Variants in TPRG1 observed in about 807,000 individuals in gnomAD.
The protein encoded by TPRG1 is tumor protein p63 regulated 1.
In TPRG1, 29 loss-of-function variants were observed where a neutral mutation model predicts 29.3. The observed-to-expected ratio is 0.99, with a 90% CI of 0.74 to 1.35. The LOEUF is 1.35. TPRG1 is among the 40% of genes most tolerant of loss of function. The pLI is 0.00. For synonymous variants in TPRG1, 130 were observed against 116.8 expected, an observed-to-expected ratio of 1.11 and a Z score of -0.73; for missense variants, 327 against 335.0, an observed-to-expected ratio of 0.98 and a Z score of 0.19.
intron 4 of TPRG1, among the ~76,000 whole-genome samples, chr3:189,280,932 G>A (rs911889899): frequency 6.6e-6 from 1 of 152,054 alleles, no homozygotes; most frequent in Non-Finnish European, 1.5e-5. Flanking sequence ...TCTCCTTCGG[G>A]AGACCCATGA....
chr3:189,114,789 A>G lies in TPRG1; in HGVS notation c.-743-12268A>G, dbSNP rs376447289. 2.2e-3 allele frequency among the ~76,000 whole-genome samples: 342 copies of G among 152,296 alleles called. 2 individuals are homozygous for G. Among genetic ancestry groups the G allele is most frequent in the South Asian group, 8.7e-3 (42 of 4,830 alleles). ...CACTTGGTCCAGAAACGTGGGTAAT[A>G]GAAATGCTATAGAAATTAGTGGTAT... On this transcript the variant is annotated intron_variant, in intron 1 of 6. Transcript: ENST00000412373.
At chr3:189,047,663 C>T (rs896601075) in intron 4 of TPRG1, among the ~76,000 whole-genome samples, 1 of 152,206 alleles carries the variant, frequency 6.6e-6, no homozygotes, top group East Asian at 1.9e-4. Flanking sequence ...TATTTGAAAC[C>T]CTGCTGCTGC....
At chr3:189,101,222 AT>A (rs540809879) in intron 1 of TPRG1, among the ~76,000 whole-genome samples, 74 of 152,146 alleles carry the variant, frequency 4.9e-4, no homozygotes, top group Admixed American at 7.9e-4. Context: ...TAGTCTCTTT[AT>A]AGAGTTCCTT....
intron 3 of TPRG1, among the ~76,000 whole-genome samples, chr3:189,143,406 TAGG>T (rs998795414): frequency 2.0e-5 from 3 of 152,074 alleles, no homozygotes; most frequent in African/African-American, 7.2e-5. Context: ...ATAAGGAAGT[TAGG>T]AGGAGAAGAT....
At chr3:189,059,946 C>G (rs1412657375) in intron 4 of TPRG1, among the ~76,000 whole-genome samples, 2 of 152,192 alleles carry the variant, frequency 1.3e-5, no homozygotes, top group African/African-American at 4.8e-5. Flanking sequence ...ATGTTAAAAA[C>G]TCTTGGCTGA....
chr3:189,015,360 T>C (rs1712872755), intron 3 of TPRG1, among the ~76,000 whole-genome samples: 1 of 152,176 alleles, frequency 6.6e-6, no homozygotes, highest in Non-Finnish European at 1.5e-5. Context: ...TGGTCTGAAA[T>C]TGAAACTTAT....
intron 4 of TPRG1, among the ~76,000 whole-genome samples, chr3:189,027,128 A>G (rs1308055558): frequency 6.6e-6 from 1 of 152,192 alleles, no homozygotes; most frequent in Non-Finnish European, 1.5e-5. Context: ...GGAAAGCACT[A>G]GAGAAAAATT....
intron 3 of TPRG1, chr3:189,218,083 C>A: frequency 1.1e-6 from 1 of 951,750 alleles, no homozygotes; most frequent in Non-Finnish European, 1.3e-6. Context: ...TAATATGGAC[C>A]AACTACCCTA....
At chr3:189,241,315 G>T (rs1740546567) in intron 4 of TPRG1, among the ~76,000 whole-genome samples, 1 of 152,008 alleles carries the variant, frequency 6.6e-6, no homozygotes, top group South Asian at 2.1e-4. Context: ...CTCTTATTTG[G>T]GGTTCAAATT....
At position 189,312,105 on chromosome 3, in the gene TPRG1, GTTTCTTTCTTTGTTTCTTTCTTTC is replaced by G. The variant is rs1722630297; in HGVS notation, c.633+1578_633+1601del. Among the ~76,000 whole-genome samples the G allele has an allele frequency of 5.4e-4, 38 of 70,904 alleles. 3 individuals are homozygous for G. The highest frequency in any genetic ancestry group is 2.2e-3 in the African/African-American group (36 of 16,580). The allele number at this position is 70,904 out of a possible 152,430, so 46.5% of individuals were successfully genotyped here. A position where few individuals can be genotyped will look rare whatever the true frequency, so the allele number is the denominator to read the frequency against. On this transcript the variant is annotated intron_variant, in intron 5 of 5. Coordinates refer to ENST00000345063, the MANE Select transcript of TPRG1 (RefSeq NM_198485.4). ...TGTTTCTTTCTTTCTTTGTTTCTTT[GTTTCTTTCTTTGTTTCTTTCTTTC>G]TTTCTTTCTTTCTTTCTTTCTTTCT...
chr3:189,169,720 T>C (rs1378230389), upstream of TPRG1, among the ~76,000 whole-genome samples: 1 of 152,216 alleles, frequency 6.6e-6, no homozygotes, highest in Non-Finnish European at 1.5e-5. Flanking sequence ...AAAGCTCTTA[T>C]CACCTCCAGG....
At position 189,176,426 on chromosome 3, in the gene TPRG1, A is replaced by G. The variant is rs552961723; in HGVS notation, c.-10+4295A>G. The stretch of plus-strand genomic sequence containing the variant: ...AAAATTGTGTCTTTTCTACAACCCC[A>G]TAAGTAGTTCTGGTAATAGCAGCAG... On this transcript the variant is annotated intron_variant, in intron 1 of 5. Transcript: ENST00000345063. Among the ~76,000 whole-genome samples, 18 of 152,348 alleles carry G rather than the reference A, an allele frequency of 1.2e-4. No individual in the cohort carries two copies. In the East Asian group the frequency reaches 1.5e-3, roughly 13 times the overall value.
chr3:189,291,113 G>A (rs898045140), intron 4 of TPRG1, among the ~76,000 whole-genome samples: 1 of 152,008 alleles, frequency 6.6e-6, no homozygotes, highest in Non-Finnish European at 1.5e-5. Flanking sequence ...ATGTTAGCCA[G>A]GATGGTCTCG....
chr3:189,204,912 TTCTCTG>T (rs900152095), intron 1 of TPRG1, among the ~76,000 whole-genome samples: 33 of 147,368 alleles, frequency 2.2e-4, no homozygotes, highest in South Asian at 6.6e-4. Flanking sequence ...CTGTCTTTCT[TTCTCTG>T]TCTCTGTCTC....
chr3:189,150,488 T>G (rs1252902253), intron 4 of TPRG1, among the ~76,000 whole-genome samples: 1 of 152,182 alleles, frequency 6.6e-6, no homozygotes, highest in Non-Finnish European at 1.5e-5. Flanking sequence ...GATCTTTGTG[T>G]GGATTTCTAC....
chr3:189,078,065 TC>T (rs1179989419), intron 4 of TPRG1, among the ~76,000 whole-genome samples: 1,077 of 103,828 alleles, frequency 0.01, 8 homozygotes, highest in East Asian at 0.055. Context: ...CCTTCCTTTC[TC>T]TCCTTTCTCT....
chr3:189,018,371 G>A (rs1713078994), intron 3 of TPRG1, among the ~76,000 whole-genome samples: 1 of 149,502 alleles, frequency 6.7e-6, no homozygotes, highest in African/African-American at 2.5e-5. Flanking sequence ...TAGGTCTAAC[G>A]TTTAAGTCTT....
chr3:189,048,093 C>T (rs1468672275), intron 4 of TPRG1, among the ~76,000 whole-genome samples: 1 of 152,216 alleles, frequency 6.6e-6, no homozygotes, highest in Non-Finnish European at 1.5e-5. Context: ...AGAAGAACCA[C>T]TGTTTATGGC....
At chr3:189,209,960 T>C (rs929059234) in intron 2 of TPRG1, among the ~76,000 whole-genome samples, 2 of 149,900 alleles carry the variant, frequency 1.3e-5, no homozygotes, top group African/African-American at 5.0e-5. Context: ...GTGAGTAAAA[T>C]AAATGTGCAT....
Sources: allele counts gnomAD v4.1 joint callset (sites outside exome capture counted in the v4.1 genomes callset), GRCh38; gene constraint gnomAD v4.1.1; transcripts MANE v1.5; gene names NCBI Gene and HGNC (gene_info 2026-07-23, HGNC 2026-07-21).